Variants in NTNG1 observed in about 807,000 individuals in gnomAD.
NTNG1 encodes the protein netrin G1.
NTNG1 carries 16 observed loss-of-function variants against 54.0 expected under a neutral mutation model. That is an observed-to-expected ratio of 0.30 (90% CI 0.20 to 0.45). The LOEUF (loss-of-function observed/expected upper bound fraction) is 0.45. Among genes scored for constraint, NTNG1 ranks in the 20% least tolerant of loss-of-function variants. The pLI is 1.00. For synonymous variants in NTNG1, 255 were observed against 263.1 expected (o/e 0.97, Z 0.30); for missense variants, 530 against 678.7 (o/e 0.78, Z 2.43).
chr1:107,296,539 A>G (rs943483260), intron 2 of NTNG1, among the ~76,000 whole-genome samples: 1 of 150,310 alleles, frequency 6.7e-6, no homozygotes, highest in Admixed American at 6.7e-5. Flanking sequence ...ATATCATTCC[A>G]GTTATATATA....
At chr1:107,401,848 TC>T (rs1376328249) in intron 4 of NTNG1, among the ~76,000 whole-genome samples, 42 of 152,288 alleles carry the variant, frequency 2.8e-4, no homozygotes, top group African/African-American at 9.9e-4. Context: ...GGCAAGTTAC[TC>T]AGCTTCTATG....
At chr1:107,157,007 C>T (rs1025299757) in intron 2 of NTNG1, among the ~76,000 whole-genome samples, 1 of 152,140 alleles carries the variant, frequency 6.6e-6, no homozygotes, top group African/African-American at 2.4e-5. Context: ...TGTTGGAACA[C>T]AGTAAACACA....
intron 1 of NTNG1, among the ~76,000 whole-genome samples, chr1:107,141,627 G>A (rs1042871966): frequency 2.0e-5 from 3 of 152,134 alleles, no homozygotes; most frequent in Non-Finnish European, 4.4e-5. Context: ...CCCCGAGGAG[G>A]CAGCGCGCGG....
At chr1:107,303,964 C>T (rs1666494081) in intron 2 of NTNG1, among the ~76,000 whole-genome samples, 1 of 151,584 alleles carries the variant, frequency 6.6e-6, no homozygotes, top group Non-Finnish European at 1.5e-5. Flanking sequence ...GGATTACAGG[C>T]GTGAGCCACC....
chr1:107,154,726 A>T (rs888221213), intron 2 of NTNG1, among the ~76,000 whole-genome samples: 1 of 151,130 alleles, frequency 6.6e-6, no homozygotes, highest in Non-Finnish European at 1.5e-5. Flanking sequence ...AGGATGGAAG[A>T]GGAACAAAAT....
chr1:107,253,287 T>C (rs746192965), intron 2 of NTNG1, among the ~76,000 whole-genome samples: 9 of 152,192 alleles, frequency 5.9e-5, no homozygotes, highest in Non-Finnish European at 8.8e-5. Flanking sequence ...TTTTTACTCT[T>C]GAGGGCAGCC....
intron 2 of NTNG1, among the ~76,000 whole-genome samples, chr1:107,153,324 A>C (rs1654730849): frequency 6.6e-6 from 1 of 152,232 alleles, no homozygotes; most frequent in South Asian, 2.1e-4. Flanking sequence ...TACATTTTCC[A>C]TGACATGGAA....
At chr1:107,200,559 C>T (rs1241887619) in intron 2 of NTNG1, among the ~76,000 whole-genome samples, 1 of 151,686 alleles carries the variant, frequency 6.6e-6, no homozygotes, top group Non-Finnish European at 1.5e-5. Context: ...TTGGCCAACC[C>T]TTTGGAGATT....
At chr1:107,175,570 C>T (rs1384704629) in intron 2 of NTNG1, among the ~76,000 whole-genome samples, 1 of 151,914 alleles carries the variant, frequency 6.6e-6, no homozygotes, top group Non-Finnish European at 1.5e-5. Context: ...TAATTAATGT[C>T]ACTGAGGTAT....
chr1:107,374,461 A>G (rs1205961165), intron 3 of NTNG1, among the ~76,000 whole-genome samples: 2 of 151,958 alleles, frequency 1.3e-5, no homozygotes, highest in African/African-American at 4.8e-5. Context: ...ATTTTAAACC[A>G]TTTCTATTGC....
intron 3 of NTNG1, among the ~76,000 whole-genome samples, chr1:107,365,537 T>C (rs1329810687): frequency 6.6e-6 from 1 of 152,230 alleles, no homozygotes; most frequent in East Asian, 1.9e-4. Flanking sequence ...ATAATTTTTA[T>C]ATATGCAATT....
At chr1:107,184,971 G>T (rs1434613344) in intron 2 of NTNG1, among the ~76,000 whole-genome samples, 1 of 152,126 alleles carries the variant, frequency 6.6e-6, no homozygotes, top group African/African-American at 2.4e-5. Flanking sequence ...CTGGGATTGG[G>T]ATCATCTTGA....
intron 2 of NTNG1, among the ~76,000 whole-genome samples, chr1:107,270,714 G>A (rs182924096): frequency 0.061 from 4,211 of 68,608 alleles, 170 homozygotes; most frequent in African/African-American, 0.19. Flanking sequence ...CCCCGCCCCC[G>A]CCCCCCCACC....
intron 3 of NTNG1, among the ~76,000 whole-genome samples, chr1:107,388,421 T>C (rs1672152256): frequency 6.6e-6 from 1 of 152,238 alleles, no homozygotes; most frequent in Non-Finnish European, 1.5e-5. Flanking sequence ...AGCAAAGTTC[T>C]GGAGGCAGGC....
intron 2 of NTNG1, among the ~76,000 whole-genome samples, chr1:107,296,984 G>A (rs1665980678): frequency 6.7e-6 from 1 of 148,988 alleles, no homozygotes; most frequent in Non-Finnish European, 1.5e-5. Flanking sequence ...ATTAGGGTTG[G>A]TTGGGATGCT....
chr1:107,332,337 G>A (rs6672549), intron 3 of NTNG1, among the ~76,000 whole-genome samples: 124,613 of 151,598 alleles, frequency 0.82, 52,631 homozygotes, highest in Middle Eastern at 0.95. Flanking sequence ...TCGTTAAAGG[G>A]AAGATGTCTC....
chr1:107,416,633 A>G, intron 5 of NTNG1, among the ~76,000 whole-genome samples: 1 of 152,212 alleles, frequency 6.6e-6, no homozygotes, highest in South Asian at 2.1e-4. Flanking sequence ...ATATTAGTAT[A>G]TAAAATAAAG....
chr1:107,477,198 G>A lies in NTNG1; in HGVS notation c.1391-3413G>A, dbSNP rs372223590. On this transcript the variant is annotated intron_variant, in intron 7 of 7. Transcript: ENST00000370068. ...CTGCTGCAGCTGCCTCTGAAATGCT[G>A]AGTAGAGCCTCCTTGGAGCTGAGGC... 1.2e-3 allele frequency among the ~76,000 whole-genome samples: 177 copies of A among 152,320 alleles called. 3 individuals are homozygous for A. The South Asian group carries it at 0.034, about 29-fold the overall frequency.
Position 107,460,269 on chromosome 1 carries a change from C to G in NTNG1, c.1391-20342C>G, listed in dbSNP as rs550376382. The G allele has an allele frequency of 2.3e-5, 10 of 432,994 alleles. No homozygotes were observed. The Admixed American group carries it at 2.3e-4, about 10-fold the overall frequency. The allele number at this position is 432,994 out of a possible 1,614,324, so 26.8% of individuals were successfully genotyped here. Reference sequence around the variant, plus strand: ...CCTGCACAGTGCCGAACTGACAGTTCATCATGAGCGCACTCCCAGGTCTTT... The same window carrying G: ...CCTGCACAGTGCCGAACTGACAGTTGATCATGAGCGCACTCCCAGGTCTTT... On this transcript the variant is annotated intron_variant, in intron 7 of 7. Transcript: ENST00000370068.
Sources: gnomAD v4.1 joint callset for allele counts (sites outside exome capture counted in the v4.1 genomes callset) on GRCh38, gnomAD v4.1.1 for gene constraint, MANE v1.5 for transcripts, NCBI Gene and HGNC (gene_info 2026-07-23, HGNC 2026-07-21) for gene names.